Variants in SYT16 observed in about 807,000 individuals in gnomAD.
SYT16 encodes the protein synaptotagmin-16.
A neutral mutation model predicts 61.4 loss-of-function variants in SYT16; 42 were observed. The ratio of observed to expected loss-of-function variants is 0.68; its 90% CI spans 0.53 to 0.89. SYT16 has a LOEUF of 0.89. Ranked by LOEUF, SYT16 falls within the 40% of genes least tolerant of loss-of-function variation. SYT16 has a pLI of 0.00. For synonymous variants in SYT16, 314 were observed against 302.3 expected (o/e 1.04, Z -0.40); for missense variants, 804 against 807.3 (o/e 1.00, Z 0.05).
At chr14:61,825,225 A>C (rs1368433487) in intron 1 of SYT16, among the ~76,000 whole-genome samples, 1 of 152,134 alleles carries the variant, frequency 6.6e-6, no homozygotes, top group Non-Finnish European at 1.5e-5. Context: ...TTGCTGTGTC[A>C]CTTCAGGGTG....
chr14:62,012,633 G>T (rs141615965), intron 3 of SYT16, among the ~76,000 whole-genome samples: 6 of 152,234 alleles, frequency 3.9e-5, no homozygotes, highest in African/African-American at 1.4e-4. Context: ...ATTCTATATT[G>T]TCCATTTAAG....
intron 3 of SYT16, among the ~76,000 whole-genome samples, chr14:62,029,348 T>C (rs542953056): frequency 2.0e-5 from 3 of 152,156 alleles, no homozygotes; most frequent in Non-Finnish European, 2.9e-5. Flanking sequence ...GAAAAGGAGA[T>C]AGAAAGAGCA....
chr14:61,995,064 T>C (rs1483349878), intron 2 of SYT16, among the ~76,000 whole-genome samples: 1 of 152,008 alleles, frequency 6.6e-6, no homozygotes, highest in Admixed American at 6.6e-5. Flanking sequence ...ACACATAATA[T>C]ACACACATAT....
chr14:62,006,531 G>A (rs913228231), intron 3 of SYT16, among the ~76,000 whole-genome samples: 7 of 152,112 alleles, frequency 4.6e-5, no homozygotes, highest in African/African-American at 1.2e-4. Flanking sequence ...GATGCTGAAC[G>A]CTTTTTGTAA....
chr14:62,014,093 C>T (rs968502445), intron 3 of SYT16, among the ~76,000 whole-genome samples: 3 of 152,138 alleles, frequency 2.0e-5, no homozygotes, highest in Non-Finnish European at 1.5e-5. Flanking sequence ...TTCCTTTGCC[C>T]GTTCCTTAAA....
chr14:62,045,751 C>G (rs906633078), intron 3 of SYT16, among the ~76,000 whole-genome samples: 1 of 152,042 alleles, frequency 6.6e-6, no homozygotes, highest in Non-Finnish European at 1.5e-5. Context: ...TGGTTTCCAG[C>G]TTCATCCATG....
At chr14:61,815,956 T>C (rs72716737) in intron 1 of SYT16, among the ~76,000 whole-genome samples, 1 of 152,270 alleles carries the variant, frequency 6.6e-6, no homozygotes, top group East Asian at 1.9e-4. Flanking sequence ...TTTCTTAGGA[T>C]CAGCCAGGCA....
intron 3 of SYT16, among the ~76,000 whole-genome samples, chr14:62,052,075 C>T (rs975941086): frequency 6.6e-6 from 1 of 152,014 alleles, no homozygotes; most frequent in African/African-American, 2.4e-5. Flanking sequence ...TTATTAATAC[C>T]TGCTTTTATC....
intron 1 of SYT16, among the ~76,000 whole-genome samples, chr14:61,952,422 A>G (rs749801889): frequency 6.6e-6 from 1 of 152,204 alleles, no homozygotes; most frequent in Non-Finnish European, 1.5e-5. Context: ...GGTGCATCTC[A>G]ACCATTTTCA....
At chr14:61,879,126 G>T (rs1361695392) in intron 1 of SYT16, among the ~76,000 whole-genome samples, 1 of 151,806 alleles carries the variant, frequency 6.6e-6, no homozygotes, top group African/African-American at 2.4e-5. Context: ...CATTTCTCTT[G>T]ATACACTCAA....
intron 6 of SYT16, among the ~76,000 whole-genome samples, chr14:62,082,589 G>A (rs1156449494): frequency 1.3e-5 from 2 of 152,170 alleles, no homozygotes; most frequent in Admixed American, 6.5e-5. Context: ...CTGGACATGG[G>A]AGCCAGAATG....
At chr14:62,072,842 T>A (rs2056348845) in intron 4 of SYT16, among the ~76,000 whole-genome samples, 1 of 152,142 alleles carries the variant, frequency 6.6e-6, no homozygotes. Flanking sequence ...GGGGTTTTAT[T>A]CCATCAAAGT....
At chr14:61,982,845 C>T (rs371835246) in intron 2 of SYT16, among the ~76,000 whole-genome samples, 49 of 152,284 alleles carry the variant, frequency 3.2e-4, no homozygotes, top group African/African-American at 9.6e-4. Flanking sequence ...GCATCATTAA[C>T]AACAGCTCTT....
At chr14:62,032,015 A>T (rs2054326324) in intron 3 of SYT16, among the ~76,000 whole-genome samples, 1 of 152,166 alleles carries the variant, frequency 6.6e-6, no homozygotes, top group Admixed American at 6.6e-5. Context: ...AGGGAATTTA[A>T]TGGAGTACAG....
At chr14:61,997,836 A>G (rs763393909) in intron 3 of SYT16, among the ~76,000 whole-genome samples, 11 of 151,996 alleles carry the variant, frequency 7.2e-5, no homozygotes, top group Non-Finnish European at 1.2e-4. Flanking sequence ...AATTTTGCTA[A>G]TTTTTGTAAT....
rs572960677 is a variant in SYT16, at chr14:62,010,171, C to T, written c.523+13629C>T. 3.3e-5 allele frequency among the ~76,000 whole-genome samples: 5 copies of T among 152,268 alleles called. No homozygotes were observed. In the South Asian group the frequency reaches 1.0e-3, roughly 32 times the overall value. ...ACAAAACTTAGATTCTGCAGGTAAA[C>T]TGCCACTTTCTGGAAATTATAGGTA... On this transcript the variant is annotated intron_variant, in intron 3 of 7. Transcript: ENST00000683842.
rs544076486 is a variant in SYT16 at position 61,919,874 on chromosome 14, T to G, written c.-324-50258T>G. On this transcript the variant is annotated intron_variant, in intron 1 of 7. Transcript: ENST00000683842. ...AGAAAAAGCTATCTGATATGCACAC[T>G]TGGCCAGAACTCTGTCGTGGTGAAA... Among the ~76,000 whole-genome samples the G allele has an allele frequency of 3.3e-3, 4 of 1,212 alleles. No homozygotes were observed. The South Asian group carries it at 0.12, about 38-fold the overall frequency. 0.8% of individuals were successfully genotyped at this position (1,212 alleles called of 152,430 possible). A position where few individuals can be genotyped will look rare whatever the true frequency, so the allele number is the denominator to read the frequency against.
chr14:62,059,791 C>CACACACACAG (rs1361471322), intron 3 of SYT16, among the ~76,000 whole-genome samples: 1 of 150,986 alleles, frequency 6.6e-6, no homozygotes, highest in East Asian at 1.9e-4. Context: ...CACACACACA[C>CACACACACAG]ACACACACAC....
chr14:62,043,105 T>C (rs2054805432), intron 3 of SYT16, among the ~76,000 whole-genome samples: 1 of 151,764 alleles, frequency 6.6e-6, no homozygotes, highest in African/African-American at 2.4e-5. Flanking sequence ...TTCTCTTTTT[T>C]TTTTTTTTTT....
Sources: gnomAD v4.1 joint callset for allele counts (sites outside exome capture counted in the v4.1 genomes callset) on GRCh38, gnomAD v4.1.1 for gene constraint, MANE v1.5 for transcripts, NCBI Gene and HGNC (gene_info 2026-07-23, HGNC 2026-07-21) for gene names.